AGAP1: variants seen among roughly 807,000 people sequenced by gnomAD.
AGAP1 encodes the protein arf-GAP with GTPase, ANK repeat and PH domain-containing protein 1.
A neutral mutation model predicts 105.3 loss-of-function variants in AGAP1; 29 were observed. That is an observed-to-expected ratio of 0.28 (90% CI 0.21 to 0.38). The LOEUF (loss-of-function observed/expected upper bound fraction) is 0.38, where lower values mean the gene tolerates loss of function less well. AGAP1 is among the 10% of genes least tolerant of loss of function. The probability of loss-of-function intolerance (pLI) is 1.00; values close to 1 mark genes in which losing one functional copy is unlikely to be tolerated. For synonymous variants in AGAP1, 509 were observed against 485.9 expected, an observed-to-expected ratio of 1.05 and a Z score of -0.63; for missense variants, 998 against 1,165.1, an observed-to-expected ratio of 0.86 and a Z score of 2.09.
rs528133540 is a variant in AGAP1, at chr2:235,887,074, A to G, written c.1155+3625A>G. ...GCTAGTTCAGGTCCCAAAATTTTACACCGTGAGAGTGACCCAGTTATCTCA... is the reference window on the plus strand; with the variant it reads ...GCTAGTTCAGGTCCCAAAATTTTACGCCGTGAGAGTGACCCAGTTATCTCA... On this transcript the variant is annotated intron_variant, in intron 10 of 17. Coordinates refer to ENST00000304032, the MANE Select transcript of AGAP1 (RefSeq NM_001037131.3). This position sits in a 1 kb window ranked among gnomAD's most constrained non-coding sequence, Gnocchi z 4.1. Among the ~76,000 whole-genome samples, 165 of 152,264 alleles carry G rather than the reference A, an allele frequency of 1.1e-3. 1 individual carries two copies. The highest frequency in any genetic ancestry group is 3.9e-3 in the African/African-American group (160 of 41,554).
In AGAP1 at chr2:236,012,075, G is replaced by C. The variant is rs1292385799; in HGVS notation, c.1646-24486G>C. On this transcript the variant is annotated intron_variant, in intron 13 of 17. Transcript: ENST00000304032. This position sits in a 1 kb window ranked among gnomAD's most constrained non-coding sequence, Gnocchi z 4.9. ...TGCACATATCAGGACCTTGGTATCAGCTAGAAAACATCCATTTGTTTAAGG... is the reference window on the plus strand; with the variant it reads ...TGCACATATCAGGACCTTGGTATCACCTAGAAAACATCCATTTGTTTAAGG... Among the ~76,000 whole-genome samples the C allele has an allele frequency of 6.6e-6, 1 of 152,146 alleles. No individual in the cohort carries two copies. Among genetic ancestry groups the C allele is most frequent in the Non-Finnish European group, 1.5e-5 (1 of 68,038 alleles).
In AGAP1 at chr2:235,750,574, T is replaced by C. The variant is rs2149711957; in HGVS notation, c.673+86T>C. 4 of 1,583,952 alleles carry C rather than the reference T, an allele frequency of 2.5e-6. No individual in the cohort carries two copies. The highest frequency in any genetic ancestry group is 3.5e-6 in the Non-Finnish European group (4 of 1,156,334). Reference sequence around the variant, plus strand: ...AGTCAGTCCTGCCTGCACTTGTGCATGTGGGTGGTGGAAATATGTCGTTGA... The same window carrying C: ...AGTCAGTCCTGCCTGCACTTGTGCACGTGGGTGGTGGAAATATGTCGTTGA... On this transcript the variant is annotated intron_variant, in intron 6 of 17. Coordinates refer to ENST00000304032, the MANE Select transcript of AGAP1 (RefSeq NM_001037131.3). The surrounding 1 kb of genome is among the most constrained non-coding windows in gnomAD (Gnocchi z 5.3).
At position 235,905,205 on chromosome 2, in the gene AGAP1, A is replaced by T. The variant is rs2051246098; in HGVS notation, c.1156-3533A>T. ...CATGCTGAGGCTTAGTCACTATCTG[A>T]TTAGCCTCATTTTAGAGCCCATAAG... is the stretch of plus-strand genomic sequence containing the variant. On this transcript the variant is annotated intron_variant, in intron 10 of 17. Coordinates refer to ENST00000304032, the MANE Select transcript of AGAP1 (RefSeq NM_001037131.3). This position sits in a 1 kb window ranked among gnomAD's most constrained non-coding sequence, Gnocchi z 4.2. 6.6e-6 allele frequency among the ~76,000 whole-genome samples: 1 copy of T among 152,206 alleles called. No homozygotes were observed. The highest frequency in any genetic ancestry group is 6.5e-5 in the Admixed American group (1 of 15,284).
chr2:235,817,936 G>C (rs965198721), intron 9 of AGAP1, among the ~76,000 whole-genome samples: 2 of 152,160 alleles, frequency 1.3e-5, no homozygotes, highest in Non-Finnish European at 2.9e-5. Context: ...TTCCTAGTTA[G>C]ACATTGTCCA....
intron 11 of AGAP1, among the ~76,000 whole-genome samples, chr2:235,921,666 G>A (rs1012279765): frequency 6.6e-6 from 1 of 152,132 alleles, no homozygotes; most frequent in African/African-American, 2.4e-5. Context: ...ACTCTGTCTT[G>A]ATAAACATAA....
chr2:235,807,208 C>G (rs1957882287), intron 8 of AGAP1, 31 bp from the exon 9 acceptor site: 3 of 1,604,752 alleles, frequency 1.9e-6, no homozygotes, highest in Non-Finnish European at 2.6e-6. Context: ...ACAGCCCTTA[C>G]CCAGATGCCA....
At position 235,577,805 on chromosome 2, in the gene AGAP1, GTAATC is replaced by G. The variant is rs1355244256; in HGVS notation, c.163+82957_163+82961del. Among the ~76,000 whole-genome samples, 18 of 152,100 alleles carry G rather than the reference GTAATC, an allele frequency of 1.2e-4. No homozygotes were observed. Among genetic ancestry groups the G allele is most frequent in the African/African-American group, 4.3e-4 (18 of 41,400 alleles). ...AGAGTAGGTTTGCTATTCCTGAAAT[GTAATC>G]CCTCCTTCAGCGCTGCACAAAAGGC... is the stretch of plus-strand genomic sequence containing the variant. On this transcript the variant is annotated intron_variant, in intron 1 of 17. Transcript: ENST00000304032. This position sits in a 1 kb window ranked among gnomAD's most constrained non-coding sequence, Gnocchi z 4.5.
rs545443371 is a variant in AGAP1 at position 235,844,691 on chromosome 2, C to A, written c.1050+37360C>A. Among the ~76,000 whole-genome samples the A allele has an allele frequency of 1.4e-3, 207 of 152,272 alleles. 2 individuals carry two copies. Among genetic ancestry groups the A allele is most frequent in the African/African-American group, 4.7e-3 (197 of 41,548 alleles). On this transcript the variant is annotated intron_variant, in intron 9 of 17. Coordinates refer to ENST00000304032, the MANE Select transcript of AGAP1 (RefSeq NM_001037131.3). ...TCTCATCCACTCCCAACACCCAAGTCCCTAGGCATCTGAGTGGCCTCCTCT... is the reference window on the plus strand; with the variant it reads ...TCTCATCCACTCCCAACACCCAAGTACCTAGGCATCTGAGTGGCCTCCTCT...
Position 235,635,015 on chromosome 2 carries a change from G to A in AGAP1, c.164-74164G>A, listed in dbSNP as rs1356915007. 6.6e-6 allele frequency among the ~76,000 whole-genome samples: 1 copy of A among 151,854 alleles called. No homozygotes were observed. The highest frequency in any genetic ancestry group is 1.9e-4 in the East Asian group (1 of 5,148). The stretch of plus-strand genomic sequence containing the variant: ...CAACCGTGTGTCCTCAGATCTGCAT[G>A]GAATTTCCTGTGGCGCTTTCTCAAT... On this transcript the variant is annotated intron_variant, in intron 1 of 17. Transcript: ENST00000304032. The surrounding 1 kb of genome is among the most constrained non-coding windows in gnomAD (Gnocchi z 5.3).
intron 1 of AGAP1, among the ~76,000 whole-genome samples, chr2:235,628,322 A>C (rs1205827275): frequency 6.6e-6 from 1 of 152,056 alleles, no homozygotes; most frequent in Admixed American, 6.5e-5. Flanking sequence ...GGGGCAGAGG[A>C]TACTGAGCCT....
intron 1 of AGAP1, among the ~76,000 whole-genome samples, chr2:235,669,072 AG>A (rs1281741726): frequency 6.6e-6 from 1 of 152,104 alleles, no homozygotes; most frequent in Non-Finnish European, 1.5e-5. Flanking sequence ...GTAGCCATGG[AG>A]GTTTATCTGG....
In AGAP1 at chr2:235,737,239, C is replaced by A. The variant is rs1334897410; in HGVS notation, c.311-3724C>A. On this transcript the variant is annotated intron_variant, in intron 3 of 17. Transcript: ENST00000304032. This position sits in a 1 kb window ranked among gnomAD's most constrained non-coding sequence, Gnocchi z 4.5. ...CTTTGAGTTCGTGGCAAATACTTAG[C>A]AGTATTTAATTTTTGCTTTCTGATT... 6.6e-6 allele frequency among the ~76,000 whole-genome samples: 1 copy of A among 152,092 alleles called. No homozygotes were observed. The highest frequency in any genetic ancestry group is 1.5e-5 in the Non-Finnish European group (1 of 68,026).
chr2:235,862,559 G>A (rs375860897), intron 9 of AGAP1, among the ~76,000 whole-genome samples: 4 of 152,228 alleles, frequency 2.6e-5, no homozygotes, highest in African/African-American at 9.6e-5. Flanking sequence ...TCACCATGGG[G>A]TAGGGCAGTG....
intron 8 of AGAP1, among the ~76,000 whole-genome samples, chr2:235,802,666 G>T (rs909400986): frequency 6.7e-6 from 1 of 149,560 alleles, no homozygotes; most frequent in African/African-American, 2.5e-5. Flanking sequence ...TGATGGTTGT[G>T]GTTGTGGTGA....
intron 1 of AGAP1, among the ~76,000 whole-genome samples, chr2:235,499,113 C>G (rs59693564): frequency 0.026 from 4,019 of 152,270 alleles, 187 homozygotes; most frequent in African/African-American, 0.092. Flanking sequence ...GCTTAGGACA[C>G]TTGTGCGAGA....
At chr2:235,800,829 G>A (rs1208307831) in intron 8 of AGAP1, among the ~76,000 whole-genome samples, 1 of 152,188 alleles carries the variant, frequency 6.6e-6, no homozygotes, top group East Asian at 1.9e-4. Context: ...GCCCCTCACA[G>A]CAGGGAATTA....
intron 12 of AGAP1, among the ~76,000 whole-genome samples, chr2:235,948,038 G>C (rs1443971478): frequency 6.6e-6 from 1 of 152,220 alleles, no homozygotes; most frequent in African/African-American, 2.4e-5. Context: ...CCTGAATGCA[G>C]GTGTCCGCAT....
rs1333365377 is a variant in AGAP1, at chr2:236,027,638, G to A, written c.1646-8923G>A. On this transcript the variant is annotated intron_variant, in intron 13 of 17. Coordinates refer to ENST00000304032, the MANE Select transcript of AGAP1 (RefSeq NM_001037131.3). The surrounding 1 kb of genome is among the most constrained non-coding windows in gnomAD (Gnocchi z 4.4). ...GAGAGGCCAGCCCAGGGTCAGCAGCGCCATTGCCTCTTGATTTGGGAGCTG... is the reference window on the plus strand; with the variant it reads ...GAGAGGCCAGCCCAGGGTCAGCAGCACCATTGCCTCTTGATTTGGGAGCTG... Among the ~76,000 whole-genome samples the A allele has an allele frequency of 2.0e-5, 3 of 152,100 alleles. No homozygotes were observed. Among genetic ancestry groups the A allele is most frequent in the African/African-American group, 7.2e-5 (3 of 41,408 alleles).
At chr2:235,497,890 C>A (rs968672690) in intron 1 of AGAP1, among the ~76,000 whole-genome samples, 1 of 152,072 alleles carries the variant, frequency 6.6e-6, no homozygotes, top group Non-Finnish European at 1.5e-5. Flanking sequence ...GCCACCGTGC[C>A]CGGCCGGGCA....
Sources: allele counts gnomAD v4.1 joint callset (sites outside exome capture counted in the v4.1 genomes callset), GRCh38; gene constraint gnomAD v4.1.1; non-coding constraint Gnocchi (gnomAD v3.1); transcripts MANE v1.5; gene names NCBI Gene and HGNC (gene_info 2026-07-23, HGNC 2026-07-21).